Variants in LRRC14 observed in about 807,000 individuals in gnomAD.
LRRC14 encodes leucine-rich repeat-containing protein 14.
Under a neutral mutation model 25.3 loss-of-function variants are expected in LRRC14, and 16 were observed. The observed-to-expected ratio is 0.63, with a 90% CI of 0.43 to 0.96. The LOEUF (loss-of-function observed/expected upper bound fraction) is 0.96, where lower values mean the gene tolerates loss of function less well. Among genes scored for constraint, LRRC14 ranks in the 40% least tolerant of loss-of-function variants. LRRC14 has a pLI of 0.00. For missense variants in LRRC14, 594 were observed against 660.5 expected, an observed-to-expected ratio of 0.90 and a Z score of 1.10; for synonymous variants, 359 against 295.1, an observed-to-expected ratio of 1.22 and a Z score of -2.22.
chr8:144,519,815 C>A lies in LRRC14; in HGVS notation c.90C>A (p.Leu30=). The change falls in exon 2 of 4, where the codon CTC becomes CTA. Residue 30 remains leucine, a synonymous_variant. Transcript: ENST00000292524. ...CCCTGCCCTTGCTGCCACGCGAACT[C>A]TTCCCCCTGCTGTTCAAGGTGGCCT... is the stretch of plus-strand genomic sequence containing the variant. The part of the protein sequence containing the change: ...CQALPLLPRE[L]FPLLFKVAFM... 1 of 1,613,370 alleles carries A rather than the reference C, an allele frequency of 6.2e-7. No individual in the cohort carries two copies. The highest frequency in any genetic ancestry group is 8.5e-7 in the Non-Finnish European group (1 of 1,179,956).
At chr8:144,518,074 G>T in intron 1 of LRRC14, 33 bp downstream of exon 1, 1 of 193,192 alleles carries the variant, frequency 5.2e-6, no homozygotes, top group Non-Finnish European at 1.0e-5. Flanking sequence ...GTGTCTGAGC[G>T]GGGCGGCGCA....
At position 144,521,603 on chromosome 8, in the gene LRRC14, T is replaced by A; in HGVS notation, c.*125T>A. 9.7e-7 allele frequency: 1 copy of A among 1,026,062 alleles called. No individual in the cohort carries two copies. The highest frequency in any genetic ancestry group is 1.4e-6 in the Non-Finnish European group (1 of 723,214). 63.6% of individuals were successfully genotyped at this position (1,026,062 alleles called of 1,614,324 possible). On this transcript the variant is annotated 3_prime_UTR_variant, in exon 4 of 4. Coordinates refer to ENST00000292524, the MANE Select transcript of LRRC14 (RefSeq NM_014665.4). ...TTACTGGTTTCCTGCTGGGTCTACC[T>A]TGCTTCTGGGCACACCTCAAGCCTC...
At position 144,523,228 on chromosome 8, in the gene LRRC14, G is replaced by T. The variant is rs530716231; in HGVS notation, c.*1750G>T. 659 of 1,610,046 alleles carry T rather than the reference G, an allele frequency of 4.1e-4. 7 individuals are homozygous for T. In the South Asian group the frequency reaches 7.0e-3, roughly 17 times the overall value. ...TGGCTGTGAGCTCCAGCGGCTGCAC[G>T]TGGACAGAGGGCGGAATGCAGATGA... On this transcript the variant is annotated 3_prime_UTR_variant, in exon 4 of 4. Coordinates refer to ENST00000292524, the MANE Select transcript of LRRC14 (RefSeq NM_014665.4).
Position 144,525,124 on chromosome 8 carries a change from T to C in LRRC14, c.*3646T>C, listed in dbSNP as rs1816316078. The C allele has an allele frequency of 1.3e-6, 1 of 763,472 alleles. No individual in the cohort carries two copies. The highest frequency in any genetic ancestry group is 1.8e-5 in the African/African-American group (1 of 54,442). 47.3% of individuals were successfully genotyped at this position (763,472 alleles called of 1,614,324 possible). Reference sequence around the variant, plus strand: ...TGCACCTGCGTCTAACTTTTGACGCTATAAATAGGTTCAAGAAACTAATAA... The same window carrying C: ...TGCACCTGCGTCTAACTTTTGACGCCATAAATAGGTTCAAGAAACTAATAA... On this transcript the variant is annotated 3_prime_UTR_variant, in exon 4 of 4. Transcript: ENST00000292524.
Position 144,523,424 on chromosome 8 carries a change from C to T in LRRC14, c.*1946C>T, listed in dbSNP as rs775987960. 6.6e-7 allele frequency: 1 copy of T among 1,514,826 alleles called. No homozygotes were observed. 93.8% of individuals were successfully genotyped at this position (1,514,826 alleles called of 1,614,324 possible). A position where few individuals can be genotyped will look rare whatever the true frequency, so the allele number is the denominator to read the frequency against. ...CCATGGGTTCTCTGTGGGAGAGCAGCGTTAGGCAGGTGGCTTGAGGGTGCT... is the reference window on the plus strand; with the variant it reads ...CCATGGGTTCTCTGTGGGAGAGCAGTGTTAGGCAGGTGGCTTGAGGGTGCT... On this transcript the variant is annotated 3_prime_UTR_variant, in exon 4 of 4. Coordinates refer to ENST00000292524, the MANE Select transcript of LRRC14 (RefSeq NM_014665.4).
chr8:144,519,157 T>C (rs1363947348), intron 1 of LRRC14: 1 of 158,488 alleles, frequency 6.3e-6, no homozygotes, highest in Non-Finnish European at 1.4e-5. Context: ...CTTATGAAGC[T>C]GCTTCTGTGC....
Position 144,522,410 on chromosome 8 carries a change from A to T in LRRC14, c.*932A>T. The stretch of plus-strand genomic sequence containing the variant: ...CACTGCGCGGCTTCCACCTTTACTG[A>T]CGGAGCATGCGCGAGGCCGCACCGG... On this transcript the variant is annotated 3_prime_UTR_variant, in exon 4 of 4. Coordinates refer to ENST00000292524, the MANE Select transcript of LRRC14 (RefSeq NM_014665.4). 7.3e-7 allele frequency: 1 copy of T among 1,368,434 alleles called. No individual in the cohort carries two copies. The highest frequency in any genetic ancestry group is 9.4e-7 in the Non-Finnish European group (1 of 1,068,292). 84.8% of individuals were successfully genotyped at this position (1,368,434 alleles called of 1,614,324 possible).
Position 144,521,238 on chromosome 8 carries a change from G to A in LRRC14, c.1242G>A (p.Leu414=). The change falls in exon 4 of 4, where the codon CTG becomes CTA. Residue 414 remains leucine (L), a synonymous_variant. Coordinates refer to ENST00000292524, the MANE Select transcript of LRRC14 (RefSeq NM_014665.4). ...CCATGGCGGGCCTCAAGGAGCTGCT[G>A]CGGGACTCAGTGGCACAGGCTGAGC... ...PLSMAGLKEL[L]RDSVAQAELR... The A allele has an allele frequency of 1.2e-6, 2 of 1,613,304 alleles. No homozygotes were observed. The highest frequency in any genetic ancestry group is 2.2e-5 in the South Asian group (2 of 91,092).
chr8:144,524,923 G>A lies in LRRC14; in HGVS notation c.*3445G>A. The A allele has an allele frequency of 6.6e-7, 1 of 1,513,774 alleles. No individual in the cohort carries two copies. Among genetic ancestry groups the A allele is most frequent in the Non-Finnish European group, 8.8e-7 (1 of 1,132,426 alleles). The allele number at this position is 1,513,774 out of a possible 1,614,324, so 93.8% of individuals were successfully genotyped here. A position where few individuals can be genotyped will look rare whatever the true frequency, so the allele number is the denominator to read the frequency against. ...GCTGCTGGGCAGCCGGCGGCGCGGA[G>A]CGGCAGTAGTAGCAGCAGCAGCGGC... On this transcript the variant is annotated 3_prime_UTR_variant, in exon 4 of 4. Transcript: ENST00000292524.
rs1249941836 is a variant in LRRC14, at chr8:144,522,747, T to C, written c.*1269T>C. The C allele has an allele frequency of 1.3e-5, 20 of 1,587,306 alleles. No homozygotes were observed. Among genetic ancestry groups the C allele is most frequent in the Non-Finnish European group, 1.6e-5 (19 of 1,168,954 alleles). ...CGCCTGCGGCGCCGGCGACAGATCA[T>C]GGCGACCAGGAGCAGCGCCGTGAGC... is the stretch of plus-strand genomic sequence containing the variant. On this transcript the variant is annotated 3_prime_UTR_variant, in exon 4 of 4. Coordinates refer to ENST00000292524, the MANE Select transcript of LRRC14 (RefSeq NM_014665.4).
chr8:144,520,413 G>A lies in LRRC14; in HGVS notation c.505G>A (p.Val169Met), dbSNP rs1815930429. 2 of 1,603,470 alleles carry A rather than the reference G, an allele frequency of 1.2e-6. No homozygotes were observed. The highest frequency in any genetic ancestry group is 1.3e-5 in the African/African-American group (1 of 74,858). The change falls in exon 3 of 4, where the codon GTG (valine) becomes ATG (methionine). Residue 169 changes from valine to methionine, a missense_variant. Coordinates refer to ENST00000292524, the MANE Select transcript of LRRC14 (RefSeq NM_014665.4). ...GPAPIPVEVR[V>M]DLRVNRASYA... Reference sequence around the variant, plus strand: ...AGCCCCCATCCCCGTGGAGGTGCGCGTGGACCTGCGGGTGAACCGGGCCTC... The same window carrying A: ...AGCCCCCATCCCCGTGGAGGTGCGCATGGACCTGCGGGTGAACCGGGCCTC...
In LRRC14 at chr8:144,524,221, G is replaced by A. The variant is rs552738930; in HGVS notation, c.*2743G>A. 1 of 1,612,678 alleles carries A rather than the reference G, an allele frequency of 6.2e-7. No homozygotes were observed. The highest frequency in any genetic ancestry group is 2.2e-5 in the East Asian group (1 of 44,886). On this transcript the variant is annotated 3_prime_UTR_variant, in exon 4 of 4. Transcript: ENST00000292524. ...AGTGCTAGGGAGGACAGCCCCGCTA[G>A]AGCCTGGTCCTCCAGCAGCTCAATG...
chr8:144,522,330 C>T lies in LRRC14; in HGVS notation c.*852C>T, dbSNP rs994951710. On this transcript the variant is annotated 3_prime_UTR_variant, in exon 4 of 4. Transcript: ENST00000292524. ...TCCCCGGCCACCTTCCATTGCTACC[C>T]CAGGATTCCCGAGTGCAACGTTCCC... is the stretch of plus-strand genomic sequence containing the variant. The T allele has an allele frequency of 1.6e-6, 2 of 1,243,382 alleles. No individual in the cohort carries two copies. The highest frequency in any genetic ancestry group is 2.1e-6 in the Non-Finnish European group (2 of 964,810). The allele number at this position is 1,243,382 out of a possible 1,614,324, so 77.0% of individuals were successfully genotyped here.
In LRRC14 at chr8:144,524,142, G is replaced by C. The variant is rs751813960; in HGVS notation, c.*2664G>C. The C allele has an allele frequency of 1.2e-6, 2 of 1,607,452 alleles. No individual in the cohort carries two copies. The highest frequency in any genetic ancestry group is 1.7e-5 in the Admixed American group (1 of 59,914). On this transcript the variant is annotated 3_prime_UTR_variant, in exon 4 of 4. Coordinates refer to ENST00000292524, the MANE Select transcript of LRRC14 (RefSeq NM_014665.4). ...GCGCAGGACTTGCAGACTGGCCAGG[G>C]GCTGCAGGGCCTCTCGGCTGATGGT...
chr8:144,524,282 A>G lies in LRRC14; in HGVS notation c.*2804A>G. On this transcript the variant is annotated 3_prime_UTR_variant, in exon 4 of 4. Transcript: ENST00000292524. ...GCAGGTGAAGCTCCTGCAGTCGCTG[A>G]AGTAAGGACAGCAGATCGTGAGGAA... 2 of 1,611,238 alleles carry G rather than the reference A, an allele frequency of 1.2e-6. No homozygotes were observed. Among genetic ancestry groups the G allele is most frequent in the Non-Finnish European group, 1.7e-6 (2 of 1,179,900 alleles).
In LRRC14 at chr8:144,520,513, C is replaced by A; in HGVS notation, c.605C>A (p.Ala202Asp). The change falls in exon 3 of 4, where the codon GCT (alanine) becomes GAT (aspartate). Residue 202 changes from alanine to aspartate, a missense_variant. By Grantham distance (126) the Ala-to-Asp change is moderately radical. Coordinates refer to ENST00000292524, the MANE Select transcript of LRRC14 (RefSeq NM_014665.4). The stretch of plus-strand genomic sequence containing the variant: ...CGGCTCTGCTGCCGGGACCTGCGAG[C>A]TGAGGACCTGCCCATGCGCAACACT... ...PLRLCCRDLRAEDLPMRNTVA... is the reference protein window; with the variant it reads ...PLRLCCRDLRDEDLPMRNTVA... 1 of 1,599,260 alleles carries A rather than the reference C, an allele frequency of 6.3e-7. No individual in the cohort carries two copies. Among genetic ancestry groups the A allele is most frequent in the Non-Finnish European group, 8.5e-7 (1 of 1,179,280 alleles).
chr8:144,525,003 T>A lies in LRRC14; in HGVS notation c.*3525T>A. 1 of 1,418,806 alleles carries A rather than the reference T, an allele frequency of 7.0e-7. No individual in the cohort carries two copies. The highest frequency in any genetic ancestry group is 1.5e-5 in the South Asian group (1 of 67,438). The allele number at this position is 1,418,806 out of a possible 1,614,324, so 87.9% of individuals were successfully genotyped here. ...CCGAGGCCCGGTTCCTCACCGGCCC[T>A]TCCGCGGTTCAGCCGCAGACGCGTG... is the stretch of plus-strand genomic sequence containing the variant. On this transcript the variant is annotated 3_prime_UTR_variant, in exon 4 of 4. Transcript: ENST00000292524.
In LRRC14 at chr8:144,521,530, C is replaced by T. The variant is rs554167706; in HGVS notation, c.*52C>T. On this transcript the variant is annotated 3_prime_UTR_variant, in exon 4 of 4. Transcript: ENST00000292524. ...CCGCCCTGCAGTCTCTTTAGGTAGG[C>T]AGGGCCTTTGCTGGGACCCCTGGTG... The T allele has an allele frequency of 1.6e-4, 242 of 1,524,586 alleles. 3 individuals carry two copies. The South Asian group carries it at 2.7e-3, about 17-fold the overall frequency. The allele number at this position is 1,524,586 out of a possible 1,614,324, so 94.4% of individuals were successfully genotyped here. A position where few individuals can be genotyped will look rare whatever the true frequency, so the allele number is the denominator to read the frequency against.
At position 144,521,495 on chromosome 8, in the gene LRRC14, GA is replaced by G. The variant is rs1816054874; in HGVS notation, c.*18del. On this transcript the variant is annotated 3_prime_UTR_variant, in exon 4 of 4. Coordinates refer to ENST00000292524, the MANE Select transcript of LRRC14 (RefSeq NM_014665.4). ...AGCCTATGATGAAGTAGCTCTGGGT[GA>G]GACACAGGCCGCCCTGCAGTCTCTT... The G allele has an allele frequency of 6.3e-7, 1 of 1,585,586 alleles. No individual in the cohort carries two copies. The highest frequency in any genetic ancestry group is 1.3e-5 in the African/African-American group (1 of 74,714).
Sources: gnomAD v4.1 joint callset for allele counts on GRCh38, gnomAD v4.1.1 for gene constraint, MANE v1.5 for transcripts, NCBI Gene and HGNC (gene_info 2026-07-23, HGNC 2026-07-21) for gene names.